Variants in SAMD12 observed in about 807,000 individuals in gnomAD.
SAMD12 encodes sterile alpha motif domain containing 12.
Under a neutral mutation model 15.0 loss-of-function variants are expected in SAMD12, and 9 were observed. The observed-to-expected ratio is 0.60, with a 90% CI of 0.36 to 1.05. SAMD12 has a LOEUF of 1.05. SAMD12 is among the 50% of genes least tolerant of loss of function. The pLI, the probability that SAMD12 is intolerant of heterozygous loss-of-function variation, is 0.01. For synonymous variants in SAMD12, 86 were observed against 90.1 expected, an observed-to-expected ratio of 0.96 and a Z score of 0.25; for missense variants, 230 against 234.2, an observed-to-expected ratio of 0.98 and a Z score of 0.12.
chr8:118,237,100 T>A (rs1181632013), intron 4 of SAMD12, among the ~76,000 whole-genome samples: 2 of 152,096 alleles, frequency 1.3e-5, no homozygotes, highest in African/African-American at 4.8e-5. Flanking sequence ...AGGGTCTGGG[T>A]TAGATGGTTA....
chr8:118,385,161 G>A (rs1265399736), intron 3 of SAMD12, among the ~76,000 whole-genome samples: 2 of 152,160 alleles, frequency 1.3e-5, no homozygotes, highest in Non-Finnish European at 2.9e-5. Context: ...AACTTGACTT[G>A]GTTATGAGGT....
intron 2 of SAMD12, among the ~76,000 whole-genome samples, chr8:118,498,457 T>G (rs1478467654): frequency 6.6e-6 from 1 of 152,264 alleles, no homozygotes; most frequent in East Asian, 1.9e-4. Context: ...TAGAGGTATG[T>G]GGATAGCTCC....
intron 2 of SAMD12, among the ~76,000 whole-genome samples, chr8:118,529,349 T>C (rs1352105863): frequency 6.6e-6 from 1 of 152,246 alleles, no homozygotes; most frequent in African/African-American, 2.4e-5. Context: ...ACATTTCCTT[T>C]GGGCTTTCAT....
At chr8:118,134,344 G>A in the SAMD12 span, among the ~76,000 whole-genome samples, 1 of 152,194 alleles carries the variant, frequency 6.6e-6, no homozygotes, top group South Asian at 2.1e-4. Flanking sequence ...TTCCCATGAG[G>A]GGCTTTTTCT....
chr8:118,165,549 C>A, the SAMD12 span, among the ~76,000 whole-genome samples: 1 of 136,358 alleles, frequency 7.3e-6, no homozygotes, highest in South Asian at 2.4e-4. Flanking sequence ...GGCCACTATG[C>A]CCGGCCCTCA....
intron 4 of SAMD12, among the ~76,000 whole-genome samples, chr8:118,323,223 A>G (rs1346289347): frequency 6.6e-6 from 1 of 152,186 alleles, no homozygotes. Flanking sequence ...AACTTTTTGG[A>G]ATATATTTGT....
chr8:118,202,042 T>C (rs1294864005), intron 4 of SAMD12, among the ~76,000 whole-genome samples: 4 of 152,204 alleles, frequency 2.6e-5, no homozygotes, highest in Non-Finnish European at 5.9e-5. Flanking sequence ...TATGTGATGT[T>C]GAACACATGA....
chr8:118,314,767 T>C (rs1035142849), intron 4 of SAMD12, among the ~76,000 whole-genome samples: 1 of 152,194 alleles, frequency 6.6e-6, no homozygotes, highest in African/African-American at 2.4e-5. Flanking sequence ...ATGGTGTGGA[T>C]GTACCACTGT....
At chr8:118,476,029 C>T (rs954808460) in intron 2 of SAMD12, among the ~76,000 whole-genome samples, 1 of 152,184 alleles carries the variant, frequency 6.6e-6, no homozygotes, top group Non-Finnish European at 1.5e-5. Flanking sequence ...TAGTATAAAA[C>T]ATCTGCTACA....
intron 2 of SAMD12, among the ~76,000 whole-genome samples, chr8:118,510,214 CCACA>C (rs200530021): frequency 6.6e-6 from 1 of 151,094 alleles, no homozygotes; most frequent in Non-Finnish European, 1.5e-5. Context: ...AACCCCCCCA[CCACA>C]CACACACACA....
chr8:118,621,282 GAC>G (rs746667373), intron 1 of SAMD12: 19 of 163,612 alleles, frequency 1.2e-4, no homozygotes, highest in Non-Finnish European at 1.6e-4. Flanking sequence ...CAGGTGTAGG[GAC>G]ACCTCTACCC....
In SAMD12 at chr8:118,275,434, C is replaced by T. The variant is rs1002601183; in HGVS notation, c.434-77702G>A. Among the ~76,000 whole-genome samples the T allele has an allele frequency of 6.6e-5, 10 of 152,038 alleles. No individual in the cohort carries two copies. In the East Asian group the frequency reaches 1.2e-3, roughly 18 times the overall value. On this transcript the variant is annotated intron_variant, in intron 4 of 4. Coordinates refer to the SAMD12 transcript ENST00000409003. ...GTTTTGGATCCAAGGTTAATACTGC[C>T]CTTGTAAGATAAGTTTGGGGAAATT... is the stretch of plus-strand genomic sequence containing the variant.
At chr8:118,352,774 T>G (rs898118219) in intron 4 of SAMD12, among the ~76,000 whole-genome samples, 3 of 152,202 alleles carry the variant, frequency 2.0e-5, no homozygotes, top group Non-Finnish European at 4.4e-5. Flanking sequence ...TCGTTTTTAA[T>G]GCACTAAGAA....
chr8:118,364,986 C>T (rs747436590), intron 4 of SAMD12, among the ~76,000 whole-genome samples: 1 of 152,168 alleles, frequency 6.6e-6, no homozygotes, highest in Non-Finnish European at 1.5e-5. Context: ...CCAGTGCATC[C>T]TCTCATCTTT....
chr8:118,399,810 T>G (rs1820780924), intron 3 of SAMD12, among the ~76,000 whole-genome samples: 1 of 152,120 alleles, frequency 6.6e-6, no homozygotes, highest in Admixed American at 6.5e-5. Context: ...CCCAATCGAT[T>G]GTCAGACACA....
chr8:118,421,476 T>A (rs1321943479), intron 3 of SAMD12, among the ~76,000 whole-genome samples: 1 of 152,210 alleles, frequency 6.6e-6, no homozygotes, highest in East Asian at 1.9e-4. Flanking sequence ...ACCAAGGTAG[T>A]TTTAGGGTTA....
chr8:118,487,569 T>C (rs1178637326), intron 2 of SAMD12, among the ~76,000 whole-genome samples: 1 of 152,222 alleles, frequency 6.6e-6, no homozygotes, highest in Non-Finnish European at 1.5e-5. Context: ...CTGAAAGGAC[T>C]GAAAGGAAGG....
In SAMD12 at chr8:118,284,664, C is replaced by T. The variant is rs559620839; in HGVS notation, c.434-86932G>A. On this transcript the variant is annotated intron_variant, in intron 4 of 4. Transcript: ENST00000409003. Reference sequence around the variant, plus strand: ...AATCTTAAAGAAGCAGTGAATTGGCCGGGCACTGTGGCTCACGCCTGTAAT... The same window carrying T: ...AATCTTAAAGAAGCAGTGAATTGGCTGGGCACTGTGGCTCACGCCTGTAAT... The T allele has an allele frequency of 4.1e-3, 887 of 214,726 alleles. 25 individuals carry two copies. The South Asian group carries it at 0.051, about 12-fold the overall frequency. The allele number at this position is 214,726 out of a possible 1,614,324, so 13.3% of individuals were successfully genotyped here. A position where few individuals can be genotyped will look rare whatever the true frequency, so the allele number is the denominator to read the frequency against.
chr8:118,318,335 T>TATATATATATATAA, intron 4 of SAMD12, among the ~76,000 whole-genome samples: 1 of 94,908 alleles, frequency 1.1e-5, no homozygotes, highest in Non-Finnish European at 2.3e-5. Flanking sequence ...TATATATATA[T>TATATATATATATAA]ATATATATAT....
Sources: allele counts gnomAD v4.1 joint callset (sites outside exome capture counted in the v4.1 genomes callset), GRCh38; gene constraint gnomAD v4.1.1; transcripts MANE v1.5; gene names NCBI Gene and HGNC (gene_info 2026-07-23, HGNC 2026-07-21).